NCR3LG1: variants seen among roughly 807,000 people sequenced by gnomAD.
NCR3LG1 encodes the protein natural killer cell cytotoxicity receptor 3 ligand 1, also known as natural cytotoxicity triggering receptor 3 ligand 1.
A neutral mutation model predicts 34.8 loss-of-function variants in NCR3LG1; 35 were observed. That is an observed-to-expected ratio of 1.01 (90% CI 0.77 to 1.33). The LOEUF (loss-of-function observed/expected upper bound fraction) is 1.33. Among genes scored for constraint, NCR3LG1 ranks in the 40% most tolerant of loss-of-function variants. NCR3LG1 has a pLI of 0.00. For missense variants in NCR3LG1, 452 were observed against 423.3 expected (o/e 1.07, Z -0.60); for synonymous variants, 173 against 163.6 (o/e 1.06, Z -0.44).
At chr11:17,357,468 A>G (rs76716482) in intron 2 of NCR3LG1, among the ~76,000 whole-genome samples, 164 of 152,320 alleles carry the variant, frequency 1.1e-3, no homozygotes, top group African/African-American at 3.5e-3. Flanking sequence ...GATACTGGGA[A>G]TTCTGGGAGG....
Position 17,354,498 on chromosome 11 carries a change from G to A in NCR3LG1, c.71-2153G>A, listed in dbSNP as rs566611164. On this transcript the variant is annotated intron_variant, in intron 1 of 4. Transcript: ENST00000338965. The stretch of plus-strand genomic sequence containing the variant: ...TTGTATTCCTTTTAAGCACATGTTA[G>A]TGTTTTTGATATTTTCCCTTCTCCC... Among the ~76,000 whole-genome samples, 213 of 137,814 alleles carry A rather than the reference G, an allele frequency of 1.5e-3. 1 individual carries two copies. Among genetic ancestry groups the A allele is most frequent in the African/African-American group, 5.3e-3 (205 of 38,820 alleles). 90.4% of individuals were successfully genotyped at this position (137,814 alleles called of 152,430 possible). A position where few individuals can be genotyped will look rare whatever the true frequency, so the allele number is the denominator to read the frequency against.
At chr11:17,358,804 T>C (rs1483797325) in intron 2 of NCR3LG1, among the ~76,000 whole-genome samples, 1 of 152,234 alleles carries the variant, frequency 6.6e-6, no homozygotes, top group Non-Finnish European at 1.5e-5. Flanking sequence ...TACTTTGTGT[T>C]ATAATGCAAT....
At chr11:17,378,045 C>T (rs1304140248), downstream of NCR3LG1, among the ~76,000 whole-genome samples, 1 of 152,106 alleles carries the variant, frequency 6.6e-6, no homozygotes, top group Non-Finnish European at 1.5e-5. Context: ...GTATTCCTCT[C>T]CTTGAAAAAT....
Position 17,372,197 on chromosome 11 carries a change from A to G in NCR3LG1, c.1050A>G (p.Gln350=), listed in dbSNP as rs1953415260. 1 of 703,024 alleles carries G rather than the reference A, an allele frequency of 1.4e-6. No individual in the cohort carries two copies. The highest frequency in any genetic ancestry group is 2.6e-6 in the Non-Finnish European group (1 of 385,014). 43.5% of individuals were successfully genotyped at this position (703,024 alleles called of 1,614,324 possible). The change falls in exon 5 of 5, where the codon CAA becomes CAG. Residue 350 remains glutamine, a synonymous_variant. Transcript: ENST00000338965. ...GTGTTAATATTAATACTATTCAACAACTAGATGTTTTCTGCAGACAGGAGG... is the reference window on the plus strand; with the variant it reads ...GTGTTAATATTAATACTATTCAACAGCTAGATGTTTTCTGCAGACAGGAGG... ...EGSVNINTIQ[Q]LDVFCRQEGK...
In NCR3LG1 at chr11:17,374,656, C is replaced by G. The variant is rs931656441; in HGVS notation, c.*2144C>G. 6.6e-5 allele frequency: 10 copies of G among 152,146 alleles called. No homozygotes were observed. Among genetic ancestry groups the G allele is most frequent in the Admixed American group, 1.3e-4 (2 of 15,278 alleles). 9.4% of individuals were successfully genotyped at this position (152,146 alleles called of 1,614,324 possible). ...AGGATTAATCCCATTTCCTCCCTTC[C>G]TCTCCCCAGAACCCTCAAGCAGCTG... is the stretch of plus-strand genomic sequence containing the variant. On this transcript the variant is annotated 3_prime_UTR_variant, in exon 5 of 5. Transcript: ENST00000338965.
At chr11:17,353,954 T>C (rs1953174338) in intron 1 of NCR3LG1, among the ~76,000 whole-genome samples, 1 of 152,072 alleles carries the variant, frequency 6.6e-6, no homozygotes, top group Non-Finnish European at 1.5e-5. Flanking sequence ...CTATTCTGCG[T>C]GGAAGCAAAT....
downstream of NCR3LG1, among the ~76,000 whole-genome samples, chr11:17,378,923 A>G (rs769110967): frequency 6.6e-6 from 1 of 152,200 alleles, no homozygotes; most frequent in Non-Finnish European, 1.5e-5. Flanking sequence ...CATGCGCAGT[A>G]AGGGGAACAA....
chr11:17,381,324 C>T (rs1239756092), downstream of NCR3LG1: 1 of 152,494 alleles, frequency 6.6e-6, no homozygotes, highest in Non-Finnish European at 1.5e-5. Context: ...TACACAGAGA[C>T]AGATGGCAGA....
rs1564860629 is a variant in NCR3LG1 at position 17,373,782 on chromosome 11, TCCC to T, written c.*1271_*1273del. On this transcript the variant is annotated 3_prime_UTR_variant, in exon 5 of 5. Transcript: ENST00000338965. ...AGGCCTTTTTAGTCATGCCTGAAAGTCCCACTCCTTTATTAGATAGAGATATTC... is the reference window on the plus strand; with the variant it reads ...AGGCCTTTTTAGTCATGCCTGAAAGTACTCCTTTATTAGATAGAGATATTC... 2 of 152,188 alleles carry T rather than the reference TCCC, an allele frequency of 1.3e-5. No homozygotes were observed. The highest frequency in any genetic ancestry group is 4.8e-5 in the African/African-American group (2 of 41,438). 9.4% of individuals were successfully genotyped at this position (152,188 alleles called of 1,614,324 possible).
At chr11:17,365,142 AAGAG>A (rs1485065438) in intron 2 of NCR3LG1, among the ~76,000 whole-genome samples, 1 of 152,120 alleles carries the variant, frequency 6.6e-6, no homozygotes, top group Non-Finnish European at 1.5e-5. Context: ...TTTTAGTTGA[AAGAG>A]AGATATTATG....
chr11:17,381,585 T>G (rs1319994084), downstream of NCR3LG1: 1 of 152,642 alleles, frequency 6.6e-6, no homozygotes, highest in African/African-American at 2.4e-5. Flanking sequence ...GTTACTCCCC[T>G]TCCCTCAATA....
chr11:17,372,305 C>A lies in NCR3LG1; in HGVS notation c.1158C>A (p.Asp386Glu), dbSNP rs1953417303. Reference sequence around the variant, plus strand: ...ATCTTTGTCAGTGTTGTAGAATTGACCCTGCTCTCCTAACAGTTACATCAG... The same window carrying A: ...ATCTTTGTCAGTGTTGTAGAATTGAACCTGCTCTCCTAACAGTTACATCAG... ...NPDLCQCCRI[D>E]PALLTVTSGK... Residue 386 changes from aspartate to glutamate, a missense_variant, in exon 5 of 5, where the codon GAC (aspartate) becomes GAA (glutamate). By Grantham distance (45) the Asp-to-Glu change is conservative. Transcript: ENST00000338965. The A allele has an allele frequency of 1.4e-6, 1 of 703,004 alleles. No individual in the cohort carries two copies. Among genetic ancestry groups the A allele is most frequent in the Non-Finnish European group, 2.6e-6 (1 of 385,036 alleles). 43.5% of individuals were successfully genotyped at this position (703,004 alleles called of 1,614,324 possible).
rs2133367058 is a variant in NCR3LG1 at position 17,373,680 on chromosome 11, G to A, written c.*1168G>A. On this transcript the variant is annotated 3_prime_UTR_variant, in exon 5 of 5. Transcript: ENST00000338965. ...GTTCCTCCCATAGCACAACCATGAT[G>A]GGCATCTCAGGAAAGACTTTAACTT... 6.6e-6 allele frequency: 1 copy of A among 152,338 alleles called. No homozygotes were observed. Among genetic ancestry groups the A allele is most frequent in the East Asian group, 1.9e-4 (1 of 5,194 alleles). The allele number at this position is 152,338 out of a possible 1,614,324, so 9.4% of individuals were successfully genotyped here.
At chr11:17,378,203 G>T (rs1309088565), downstream of NCR3LG1, among the ~76,000 whole-genome samples, 1 of 152,112 alleles carries the variant, frequency 6.6e-6, no homozygotes, top group Non-Finnish European at 1.5e-5. Context: ...AAAGTAGGGG[G>T]TACCTGTGCA....
downstream of NCR3LG1, among the ~76,000 whole-genome samples, chr11:17,379,975 C>G (rs200013780): frequency 6.6e-6 from 1 of 152,072 alleles, no homozygotes; most frequent in East Asian, 1.9e-4. Context: ...CATCAGTGTT[C>G]CAGCTGGTGC....
chr11:17,362,922 C>G, intron 2 of NCR3LG1, among the ~76,000 whole-genome samples: 1 of 119,012 alleles, frequency 8.4e-6, no homozygotes, highest in East Asian at 2.7e-4. Flanking sequence ...CTTCCCTTCC[C>G]TTCTCTTCCC....
chr11:17,370,577 C>T (rs1564859036), intron 4 of NCR3LG1, among the ~76,000 whole-genome samples: 1 of 152,172 alleles, frequency 6.6e-6, no homozygotes, highest in Non-Finnish European at 1.5e-5. Flanking sequence ...TGTCAGTCCC[C>T]CTTCACCCTC....
chr11:17,357,026 A>G (rs1162415245), intron 2 of NCR3LG1, 25 bp downstream of exon 2: 5 of 1,441,400 alleles, frequency 3.5e-6, no homozygotes, highest in Admixed American at 2.4e-5. Flanking sequence ...GCAGTGCCCT[A>G]CAGTTCCCAT....
At position 17,374,368 on chromosome 11, in the gene NCR3LG1, T is replaced by C. The variant is rs1288553047; in HGVS notation, c.*1856T>C. 6.6e-6 allele frequency: 1 copy of C among 152,196 alleles called. No homozygotes were observed. The highest frequency in any genetic ancestry group is 1.5e-5 in the Non-Finnish European group (1 of 68,024). The allele number at this position is 152,196 out of a possible 1,614,324, so 9.4% of individuals were successfully genotyped here. A position where few individuals can be genotyped will look rare whatever the true frequency, so the allele number is the denominator to read the frequency against. ...CTGTACTGCCTCAGGGATTTAGAGA[T>C]AGCCCCCACCTATTTGGGCAAGTAT... On this transcript the variant is annotated 3_prime_UTR_variant, in exon 5 of 5. Transcript: ENST00000338965.
Sources: allele counts gnomAD v4.1 joint callset (sites outside exome capture counted in the v4.1 genomes callset), GRCh38; gene constraint gnomAD v4.1.1; transcripts MANE v1.5; gene names NCBI Gene and HGNC (gene_info 2026-07-23, HGNC 2026-07-21).